WDPCP: variants seen among roughly 807,000 people sequenced by gnomAD.
The protein encoded by WDPCP is WD repeat-containing and planar cell polarity effector protein fritz homolog.
WDPCP carries 71 observed loss-of-function variants against 93.1 expected under a neutral mutation model. The ratio of observed to expected loss-of-function variants is 0.76; its 90% confidence interval spans 0.63 to 0.93. The LOEUF (loss-of-function observed/expected upper bound fraction) is 0.93, where lower values mean the gene tolerates loss of function less well. Among genes scored for constraint, WDPCP ranks in the 40% least tolerant of loss-of-function variants. The probability of loss-of-function intolerance (pLI) is 0.00; values close to 1 mark genes in which losing one functional copy is unlikely to be tolerated. For missense variants in WDPCP, 844 were observed against 887.4 expected (o/e 0.95, Z 0.62); for synonymous variants, 315 against 315.0 (o/e 1.00, Z 0.00).
intron 2 of WDPCP, among the ~76,000 whole-genome samples, chr2:63,800,294 A>G (rs908976315): frequency 1.3e-5 from 2 of 152,152 alleles, no homozygotes; most frequent in African/African-American, 4.8e-5. Flanking sequence ...TACTTTGTAT[A>G]GTGAGTAACG....
At position 63,560,689 on chromosome 2, in the gene WDPCP, A is replaced by AGAT. The variant is rs149754104; in HGVS notation, c.75+27505_75+27507dup. Among the ~76,000 whole-genome samples, 1,184 of 152,296 alleles carry AGAT rather than the reference A, an allele frequency of 7.8e-3. 13 individuals carry two copies. Among genetic ancestry groups the AGAT allele is most frequent in the African/African-American group, 0.023 (957 of 41,552 alleles). On this transcript the variant is annotated intron_variant, in intron 1 of 17. Transcript: ENST00000272321. ...GAGTTTATGTCCTTTGCAGGGACAT[A>AGAT]GATGAAGCTGGAAACCATCATTCTC... is the stretch of plus-strand genomic sequence containing the variant.
At chr2:63,373,409 G>A (rs775420804) in intron 12 of WDPCP, among the ~76,000 whole-genome samples, 8 of 150,948 alleles carry the variant, frequency 5.3e-5, no homozygotes, top group African/African-American at 1.2e-4. Context: ...GCCACCATGC[G>A]CCCGGCTAAT....
At chr2:63,684,635 T>A in intron 2 of WDPCP, 1 of 700,756 alleles carries the variant, frequency 1.4e-6, no homozygotes, top group Non-Finnish European at 2.7e-6. Context: ...ACGCAAGGCC[T>A]GACGAGAGGT....
chr2:63,160,276 G>A (rs988049915), intron 15 of WDPCP, among the ~76,000 whole-genome samples: 28 of 152,122 alleles, frequency 1.8e-4, no homozygotes, highest in African/African-American at 6.0e-4. Flanking sequence ...TAGATATACT[G>A]TAATTTAGTC....
intron 1 of WDPCP, among the ~76,000 whole-genome samples, chr2:63,551,390 C>G (rs1315531253): frequency 1.3e-5 from 2 of 152,088 alleles, no homozygotes; most frequent in African/African-American, 2.4e-5. Flanking sequence ...GCTTGTTGCC[C>G]TCCTTGAGAT....
intron 6 of WDPCP, among the ~76,000 whole-genome samples, chr2:63,465,856 T>C (rs1699315859): frequency 6.6e-6 from 1 of 152,204 alleles, no homozygotes; most frequent in South Asian, 2.1e-4. Flanking sequence ...TGAAAAAGAA[T>C]GTAGCATAAA....
At chr2:63,806,698 T>C (rs971766801) in intron 2 of WDPCP, among the ~76,000 whole-genome samples, 1 of 152,072 alleles carries the variant, frequency 6.6e-6, no homozygotes, top group Admixed American at 6.6e-5. Flanking sequence ...CACCCCGAGG[T>C]GCGCATTCTC....
chr2:63,683,501 A>G (rs1668756124), intron 2 of WDPCP, among the ~76,000 whole-genome samples: 1 of 152,166 alleles, frequency 6.6e-6, no homozygotes, highest in Non-Finnish European at 1.5e-5. Context: ...ATCACATTAT[A>G]TTTATCATAA....
intron 14 of WDPCP, among the ~76,000 whole-genome samples, chr2:63,190,813 G>A (rs1024928990): frequency 2.0e-5 from 3 of 152,114 alleles, no homozygotes; most frequent in Non-Finnish European, 2.9e-5. Flanking sequence ...GAATTTTGGT[G>A]GGGGTGGGGT....
intron 12 of WDPCP, among the ~76,000 whole-genome samples, chr2:63,357,027 G>C (rs1334057390): frequency 6.6e-6 from 1 of 152,182 alleles, no homozygotes; most frequent in Non-Finnish European, 1.5e-5. Flanking sequence ...ATGGGGAAGA[G>C]AGTATCTATT....
At chr2:63,839,089 G>C in the WDPCP span, among the ~76,000 whole-genome samples, 1 of 152,196 alleles carries the variant, frequency 6.6e-6, no homozygotes, top group Non-Finnish European at 1.5e-5. Context: ...TCTTGAGGCA[G>C]CAAGTGTACA....
intron 2 of WDPCP, chr2:63,752,138 T>C (rs1575764574): frequency 1.6e-6 from 1 of 616,632 alleles, no homozygotes; most frequent in Non-Finnish European, 2.9e-6. Flanking sequence ...CGACGGTATT[T>C]CTGAATGACA....
In WDPCP at chr2:63,244,829, A is replaced by G. The variant is rs567339621; in HGVS notation, c.1915+14478T>C. Among the ~76,000 whole-genome samples, 13 of 152,188 alleles carry G rather than the reference A, an allele frequency of 8.5e-5. No homozygotes were observed. In the South Asian group the frequency reaches 2.5e-3, roughly 29 times the overall value. The stretch of plus-strand genomic sequence containing the variant: ...TATTCCCATTTTCACTTATTTTGAG[A>G]TGGGTGTCGGTCAGTTATCCTTATT... On this transcript the variant is annotated intron_variant, in intron 14 of 17. Transcript: ENST00000272321.
At chr2:63,451,572 G>T (rs1327030787) in intron 6 of WDPCP, among the ~76,000 whole-genome samples, 1 of 152,138 alleles carries the variant, frequency 6.6e-6, no homozygotes, top group Admixed American at 6.6e-5. Context: ...GAAAAAGAGG[G>T]AATCCTCCCT....
intron 12 of WDPCP, among the ~76,000 whole-genome samples, chr2:63,373,207 T>C (rs1391352772): frequency 6.6e-6 from 1 of 151,954 alleles, no homozygotes; most frequent in African/African-American, 2.4e-5. Flanking sequence ...TATAAACTTT[T>C]TTATATTCTC....
At chr2:63,544,738 T>C (rs1263743318) in intron 1 of WDPCP, among the ~76,000 whole-genome samples, 2 of 152,196 alleles carry the variant, frequency 1.3e-5, no homozygotes, top group East Asian at 3.8e-4. Context: ...AGGAAAGGTA[T>C]GCTACTATTA....
intron 12 of WDPCP, among the ~76,000 whole-genome samples, chr2:63,344,579 C>T (rs1689064464): frequency 6.6e-6 from 1 of 152,162 alleles, no homozygotes; most frequent in South Asian, 2.1e-4. Flanking sequence ...AAATATCTTT[C>T]TCCTCATCCT....
At chr2:63,140,222 A>G (rs1670956946) in intron 17 of WDPCP, among the ~76,000 whole-genome samples, 1 of 152,042 alleles carries the variant, frequency 6.6e-6, no homozygotes, top group Non-Finnish European at 1.5e-5. Context: ...ATGGCCTTAT[A>G]TTATAGTTTG....
At position 63,361,752 on chromosome 2, in the gene WDPCP, G is replaced by A. The variant is rs1162462875; in HGVS notation, c.1748+16634C>T. 3.9e-5 allele frequency among the ~76,000 whole-genome samples: 6 copies of A among 152,232 alleles called. No individual in the cohort carries two copies. In the East Asian group the frequency reaches 9.7e-4, roughly 25 times the overall value. ...TTTGGTTTTTGCAAACAGTGCAAGT[G>A]AAGAGGTGAAAAGAGAGAGGAGCAG... On this transcript the variant is annotated intron_variant, in intron 12 of 17. Transcript: ENST00000272321.
Sources: gnomAD v4.1 joint callset for allele counts (sites outside exome capture counted in the v4.1 genomes callset) on GRCh38, gnomAD v4.1.1 for gene constraint, MANE v1.5 for transcripts, NCBI Gene and HGNC (gene_info 2026-07-23, HGNC 2026-07-21) for gene names.